The following KSR2 variants were observed in gnomAD, a reference collection of about 807,000 sequenced individuals.
KSR2 encodes kinase suppressor of ras 2.
KSR2 carries 25 observed loss-of-function variants against 107.8 expected under a neutral mutation model. The ratio of observed to expected loss-of-function variants is 0.23; its 90% CI spans 0.17 to 0.32. The LOEUF (loss-of-function observed/expected upper bound fraction) is 0.32. Among genes scored for constraint, KSR2 ranks in the 10% least tolerant of loss-of-function variants. The probability of loss-of-function intolerance (pLI) is 1.00; values close to 1 mark genes in which losing one functional copy is unlikely to be tolerated. For synonymous variants in KSR2, 480 were observed against 507.0 expected (o/e 0.95, Z 0.71); for missense variants, 887 against 1,268.9 (o/e 0.70, Z 4.57).
intron 3 of KSR2, among the ~76,000 whole-genome samples, chr12:117,834,606 T>TATTCTCCTAGA (rs1340500935): frequency 6.6e-6 from 1 of 152,216 alleles, no homozygotes; most frequent in African/African-American, 2.4e-5. Flanking sequence ...TGGAGGGGTT[T>TATTCTCCTAGA]ATTCTCCTAG....
intron 5 of KSR2, among the ~76,000 whole-genome samples, chr12:117,643,093 T>C (rs1883455408): frequency 6.6e-6 from 1 of 152,234 alleles, no homozygotes; most frequent in Non-Finnish European, 1.5e-5. Context: ...ATGAAATTAA[T>C]AAATAGGGGA....
intron 4 of KSR2, among the ~76,000 whole-genome samples, chr12:117,670,294 G>A (rs901887213): frequency 6.6e-6 from 1 of 152,212 alleles, no homozygotes; most frequent in Admixed American, 6.5e-5. Context: ...CCATGTCCTA[G>A]GGACTGTATC....
At position 117,777,107 on chromosome 12, in the gene KSR2, T is replaced by TATATATATATATAC. The variant is rs58787858; in HGVS notation, c.473-15584_473-15583insGTATATATATATAT. On this transcript the variant is annotated intron_variant, in intron 3 of 19. Coordinates refer to ENST00000339824, the MANE Select transcript of KSR2 (RefSeq NM_173598.6). ...TATATTTTATATATATATATATATATACACACACACACCATATATATATAC... is the reference window on the plus strand; with the variant it reads ...TATATTTTATATATATATATATATATATATATATATATACACACACACACACCATATATATATAC... Among the ~76,000 whole-genome samples, 454 of 66,102 alleles carry TATATATATATATAC rather than the reference T, an allele frequency of 6.9e-3. 2 individuals are homozygous for TATATATATATATAC. Among genetic ancestry groups the TATATATATATATAC allele is most frequent in the African/African-American group, 0.026 (433 of 16,590 alleles). 43.4% of individuals were successfully genotyped at this position (66,102 alleles called of 152,430 possible).
chr12:117,468,267 A>ACC (rs1246505198), intron 19 of KSR2, among the ~76,000 whole-genome samples: 1 of 152,246 alleles, frequency 6.6e-6, no homozygotes, highest in African/African-American at 2.4e-5. Context: ...ACACGTGGCC[A>ACC]CATGGGACTT....
chr12:117,865,799 C>T (rs981569604), intron 1 of KSR2, among the ~76,000 whole-genome samples: 2 of 152,166 alleles, frequency 1.3e-5, no homozygotes, highest in Non-Finnish European at 2.9e-5. Context: ...ATGGTACTAC[C>T]TTATGCAAAC....
chr12:117,749,994 TC>T (rs964398224), intron 4 of KSR2, among the ~76,000 whole-genome samples: 1 of 152,116 alleles, frequency 6.6e-6, no homozygotes, highest in Non-Finnish European at 1.5e-5. Context: ...ACGCCTGTAA[TC>T]CTAGCACTCT....
intron 14 of KSR2, among the ~76,000 whole-genome samples, chr12:117,485,909 T>C (rs1272531135): frequency 6.6e-6 from 1 of 152,224 alleles, no homozygotes; most frequent in Non-Finnish European, 1.5e-5. Flanking sequence ...CCAATGTGGC[T>C]GACCGACAAG....
chr12:117,571,182 C>A (rs12298250), intron 7 of KSR2, among the ~76,000 whole-genome samples: 7 of 152,118 alleles, frequency 4.6e-5, no homozygotes, highest in Non-Finnish European at 1.0e-4. Flanking sequence ...TGCTTGAATC[C>A]GGGTGGTCGA....
At chr12:117,556,139 G>A (rs1466812680) in intron 8 of KSR2, among the ~76,000 whole-genome samples, 1 of 145,588 alleles carries the variant, frequency 6.9e-6, no homozygotes, top group African/African-American at 2.5e-5. Context: ...AGAAGCTGGT[G>A]GATTTCTGCA....
chr12:117,860,100 G>A (rs1205247654), intron 2 of KSR2, among the ~76,000 whole-genome samples, 191 bp downstream of exon 2: 1 of 152,204 alleles, frequency 6.6e-6, no homozygotes, highest in Non-Finnish European at 1.5e-5. Context: ...GACTCTGGAA[G>A]CACACTCTCA....
intron 7 of KSR2, among the ~76,000 whole-genome samples, chr12:117,570,986 G>A (rs981405764): frequency 2.6e-5 from 4 of 152,182 alleles, no homozygotes; most frequent in Admixed American, 6.5e-5. Context: ...AGCCAGGCAC[G>A]GTGGCTCATG....
intron 14 of KSR2, among the ~76,000 whole-genome samples, chr12:117,515,303 G>A (rs184156077): frequency 3.9e-4 from 59 of 152,192 alleles, no homozygotes; most frequent in South Asian, 1.5e-3. Context: ...CCTCCAGTGC[G>A]TACTATATTT....
chr12:117,915,072 A>G (rs779418614), intron 1 of KSR2, among the ~76,000 whole-genome samples: 1 of 152,254 alleles, frequency 6.6e-6, no homozygotes, highest in Non-Finnish European at 1.5e-5. Context: ...CTGTGTCTGT[A>G]TTAACTTCTT....
At chr12:117,479,063 C>T (rs1871985276) in intron 16 of KSR2, among the ~76,000 whole-genome samples, 1 of 152,176 alleles carries the variant, frequency 6.6e-6, no homozygotes. Context: ...GCTCAGGGTT[C>T]CAGTGCTGCA....
intron 1 of KSR2, among the ~76,000 whole-genome samples, chr12:117,886,505 ATGT>A (rs2137340360): frequency 6.6e-6 from 1 of 152,176 alleles, no homozygotes; most frequent in Admixed American, 6.5e-5. Context: ...GTACAGTAAC[ATGT>A]TGTGCAGGTT....
chr12:117,672,968 G>C (rs1364734754), intron 4 of KSR2, among the ~76,000 whole-genome samples: 1 of 152,208 alleles, frequency 6.6e-6, no homozygotes, highest in African/African-American at 2.4e-5. Context: ...CCCTTAGTGA[G>C]TGAAGAGGAC....
chr12:117,756,392 G>A (rs750858938), intron 4 of KSR2, among the ~76,000 whole-genome samples: 3 of 152,134 alleles, frequency 2.0e-5, no homozygotes, highest in Admixed American at 6.5e-5. Flanking sequence ...GGGCTCTTAC[G>A]AATTACGCTA....
chr12:117,734,280 CAAAAA>C (rs10541802), intron 4 of KSR2, among the ~76,000 whole-genome samples: 11 of 103,250 alleles, frequency 1.1e-4, no homozygotes, highest in Admixed American at 5.2e-4. Context: ...GACTCTGTCT[CAAAAA>C]AAAAAAAAAA....
chr12:117,681,157 C>T (rs757337000), intron 4 of KSR2, among the ~76,000 whole-genome samples: 3 of 152,130 alleles, frequency 2.0e-5, no homozygotes, highest in Non-Finnish European at 4.4e-5. Flanking sequence ...GTAGTCCCAG[C>T]TACTAGGGAG....
Sources: allele counts gnomAD v4.1 joint callset (sites outside exome capture counted in the v4.1 genomes callset), GRCh38; gene constraint gnomAD v4.1.1; transcripts MANE v1.5; gene names NCBI Gene and HGNC (gene_info 2026-07-23, HGNC 2026-07-21).